PICALM: variants seen among roughly 807,000 people sequenced by gnomAD.
The protein encoded by PICALM is phosphatidylinositol binding clathrin assembly protein.
A neutral mutation model predicts 80.5 loss-of-function variants in PICALM; 40 were observed. That is an observed-to-expected ratio of 0.50 (90% CI 0.39 to 0.65). The LOEUF is 0.65. Ranked by LOEUF, PICALM falls within the 30% of genes least tolerant of loss-of-function variation. PICALM has a pLI of 0.00. For missense variants in PICALM, 676 were observed against 778.9 expected, an observed-to-expected ratio of 0.87 and a Z score of 1.57; for synonymous variants, 288 against 260.3, an observed-to-expected ratio of 1.11 and a Z score of -1.02.
chr11:85,996,718 T>A (rs533354177), intron 12 of PICALM, 108 bp downstream of exon 12: 1 of 676,288 alleles, frequency 1.5e-6, no homozygotes, highest in Non-Finnish European at 2.6e-6. Context: ...TTAATACTTA[T>A]CAAGTTCTCA....
chr11:85,988,960 G>C (rs2094674890), intron 13 of PICALM, among the ~76,000 whole-genome samples: 2 of 152,166 alleles, frequency 1.3e-5, no homozygotes, highest in African/African-American at 2.4e-5. Context: ...AAGAAAGCAA[G>C]CCTACACACT....
intron 1 of PICALM, among the ~76,000 whole-genome samples, chr11:86,056,298 C>G (rs12790526): frequency 0.1 from 14,746 of 148,066 alleles, 901 homozygotes; most frequent in Admixed American, 0.14. Flanking sequence ...ATGTAAAGTA[C>G]TCTTCTGGTA....
At chr11:85,980,534 A>AT (rs1367614520) in intron 17 of PICALM, among the ~76,000 whole-genome samples, 1 of 152,250 alleles carries the variant, frequency 6.6e-6, no homozygotes, top group African/African-American at 2.4e-5. Context: ...ACTGCCACAA[A>AT]TAATGAGTAT....
At chr11:85,991,680 T>C (rs555813352) in intron 12 of PICALM, among the ~76,000 whole-genome samples, 1 of 149,170 alleles carries the variant, frequency 6.7e-6, no homozygotes, top group Non-Finnish European at 1.5e-5. Flanking sequence ...AAAAAAAAAG[T>C]CCTACAAATC....
intron 1 of PICALM, among the ~76,000 whole-genome samples, chr11:86,034,775 A>G (rs1330286082): frequency 3.9e-5 from 6 of 152,236 alleles, no homozygotes; most frequent in Non-Finnish European, 8.8e-5. Context: ...AAATAAGCCT[A>G]CCATAGAAAT....
chr11:86,017,056 T>C (rs750884185), intron 4 of PICALM, among the ~76,000 whole-genome samples: 12 of 152,056 alleles, frequency 7.9e-5, no homozygotes, highest in Non-Finnish European at 1.8e-4. Flanking sequence ...ACCCCATCTC[T>C]ACTAAAAAAT....
At chr11:86,059,947 T>C (rs1002744980) in intron 1 of PICALM, among the ~76,000 whole-genome samples, 3 of 151,894 alleles carry the variant, frequency 2.0e-5, no homozygotes, top group Admixed American at 2.0e-4. Flanking sequence ...GGGAAAAAAA[T>C]TTAAATATTA....
intron 19 of PICALM, among the ~76,000 whole-genome samples, chr11:85,971,770 C>T (rs2094120668): frequency 6.6e-6 from 1 of 151,646 alleles, no homozygotes; most frequent in Admixed American, 6.6e-5. Context: ...AGAGCAGATG[C>T]TGGATGACAA....
chr11:86,046,964 C>A (rs1401971871), intron 1 of PICALM, among the ~76,000 whole-genome samples: 1 of 152,208 alleles, frequency 6.6e-6, no homozygotes. Context: ...TTACAAAATT[C>A]TTTCATATCC....
rs757982851 is a variant in PICALM, at chr11:86,001,071, T to G, written c.981A>C (p.Ala327=). The part of the protein sequence containing the change: ...TKVDEREKQA[A]LEEEQARLKA... Reference sequence around the variant, plus strand: ...TCAAACGTGCCTGTTCTTCCTCTAATGCTGCCTGCTTTTCCCTTTCATCCA... The same window carrying G: ...TCAAACGTGCCTGTTCTTCCTCTAAGGCTGCCTGCTTTTCCCTTTCATCCA... The change falls in exon 10 of 20, where the codon GCA becomes GCC. Residue 327 remains alanine (A), a synonymous_variant. Transcript: ENST00000393346. 1 of 1,614,194 alleles carries G rather than the reference T, an allele frequency of 6.2e-7. No homozygotes were observed. The highest frequency in any genetic ancestry group is 1.7e-5 in the Admixed American group (1 of 60,034).
intron 19 of PICALM, among the ~76,000 whole-genome samples, chr11:85,968,187 G>C (rs1288756647): frequency 6.6e-6 from 1 of 152,100 alleles, no homozygotes; most frequent in East Asian, 1.9e-4. Flanking sequence ...GTCAGGCATT[G>C]TGGTGTGTGC....
chr11:86,037,353 A>G (rs1226041750), intron 1 of PICALM, among the ~76,000 whole-genome samples: 2 of 141,592 alleles, frequency 1.4e-5, no homozygotes, highest in African/African-American at 5.4e-5. Flanking sequence ...TTTGCCACCC[A>G]GGTTCATGCA....
At chr11:86,046,906 G>T (rs1180104471) in intron 1 of PICALM, among the ~76,000 whole-genome samples, 1 of 152,106 alleles carries the variant, frequency 6.6e-6, no homozygotes, top group Admixed American at 6.5e-5. Context: ...CCAAAGTGTT[G>T]GGATTACAGG....
chr11:85,978,658 T>C (rs2094351093), intron 17 of PICALM: 2 of 152,090 alleles, frequency 1.3e-5, no homozygotes, highest in African/African-American at 4.8e-5. Flanking sequence ...ATAAAATACA[T>C]ATAAATATTT....
chr11:85,987,678 C>A (rs1287659319), intron 13 of PICALM, among the ~76,000 whole-genome samples: 4 of 152,106 alleles, frequency 2.6e-5, no homozygotes, highest in Non-Finnish European at 5.9e-5. Context: ...TGCATGTTGC[C>A]GAGGCTGGCC....
chr11:86,005,959 A>G (rs541619653), intron 8 of PICALM, among the ~76,000 whole-genome samples: 26 of 152,332 alleles, frequency 1.7e-4, no homozygotes, highest in African/African-American at 6.0e-4. Context: ...AACGGAGGTT[A>G]AAGAACCCTA....
chr11:86,047,413 A>G (rs1371719056), intron 1 of PICALM, among the ~76,000 whole-genome samples: 1 of 152,268 alleles, frequency 6.6e-6, no homozygotes, highest in Non-Finnish European at 1.5e-5. Context: ...CAAGTTCACA[A>G]GTTGCGAAAG....
At chr11:86,020,092 TA>T (rs2095539946) in intron 4 of PICALM, among the ~76,000 whole-genome samples, 1 of 152,204 alleles carries the variant, frequency 6.6e-6, no homozygotes, top group Non-Finnish European at 1.5e-5. Context: ...AAGCACTGAC[TA>T]TATCATTCAT....
At chr11:85,994,386 A>C (rs2094890830) in intron 12 of PICALM, among the ~76,000 whole-genome samples, 1 of 152,204 alleles carries the variant, frequency 6.6e-6, no homozygotes, top group Non-Finnish European at 1.5e-5. Flanking sequence ...GTAGAATCTT[A>C]AATGTCTTTC....
Sources: gnomAD v4.1 joint callset for allele counts (sites outside exome capture counted in the v4.1 genomes callset) on GRCh38, gnomAD v4.1.1 for gene constraint, MANE v1.5 for transcripts, NCBI Gene and HGNC (gene_info 2026-07-23, HGNC 2026-07-21) for gene names.